Variants in DLD observed in about 807,000 individuals in gnomAD.
The protein encoded by DLD is dihydrolipoamide dehydrogenase, also known as dihydrolipoyl dehydrogenase, mitochondrial.
Under a neutral mutation model 62.2 loss-of-function variants are expected in DLD, and 36 were observed. That is an observed-to-expected ratio of 0.58 (90% CI 0.44 to 0.76). The LOEUF is 0.76. Ranked by LOEUF, DLD falls within the 30% of genes least tolerant of loss-of-function variation. The probability of loss-of-function intolerance (pLI) is 0.00; values close to 1 mark genes in which losing one functional copy is unlikely to be tolerated. For missense variants in DLD, 541 were observed against 608.6 expected, an observed-to-expected ratio of 0.89 and a Z score of 1.17; for synonymous variants, 204 against 199.6, an observed-to-expected ratio of 1.02 and a Z score of -0.19.
chr7:107,917,209 G>T (rs1452348371), intron 10 of DLD, 64 bp from the exon 11 acceptor site: 4 of 1,581,900 alleles, frequency 2.5e-6, no homozygotes, highest in Non-Finnish European at 2.6e-6. Context: ...TTACCATAAT[G>T]TAACTGAAGG....
At chr7:107,912,616 TTGAA>T (rs968566548) in intron 8 of DLD, among the ~76,000 whole-genome samples, 18 of 152,186 alleles carry the variant, frequency 1.2e-4, no homozygotes, top group Admixed American at 1.2e-3. Flanking sequence ...TATTGGCTAT[TTGAA>T]TGTTTTCTTT....
intron 4 of DLD, 100 bp from the exon 5 acceptor site, chr7:107,903,378 C>A: frequency 1.2e-6 from 1 of 819,326 alleles, no homozygotes; most frequent in Non-Finnish European, 2.0e-6. Context: ...AACTCCGTCT[C>A]AAAAAATGAA....
At chr7:107,909,839 C>CTTTT (rs71134292) in intron 8 of DLD, among the ~76,000 whole-genome samples, 18 of 73,052 alleles carry the variant, frequency 2.5e-4, no homozygotes, top group Non-Finnish European at 3.5e-4. Flanking sequence ...GGAGAATTAA[C>CTTTT]TTTTTTTTTT....
intron 5 of DLD, chr7:107,904,687 A>T: frequency 1.8e-6 from 1 of 541,832 alleles, no homozygotes; most frequent in Non-Finnish European, 3.5e-6. Context: ...TAAAGTGTTC[A>T]GAGGATATGT....
Position 107,915,486 on chromosome 7 carries a change from T to G in DLD, c.685-20T>G. 3 of 1,612,544 alleles carry G rather than the reference T, an allele frequency of 1.9e-6. No individual in the cohort carries two copies. Among genetic ancestry groups the G allele is most frequent in the African/African-American group, 1.3e-5 (1 of 74,988 alleles). On this transcript the variant is annotated intron_variant, in intron 8 of 13. Coordinates refer to ENST00000205402, the MANE Select transcript of DLD (RefSeq NM_000108.5). ...TATAGAAACTTTTATGATTATTGGGTTTTTTTAATTTATTTGCAGGGTTCA... is the reference window on the plus strand; with the variant it reads ...TATAGAAACTTTTATGATTATTGGGGTTTTTTAATTTATTTGCAGGGTTCA...
chr7:107,907,339 C>G (rs1348906049), intron 8 of DLD, among the ~76,000 whole-genome samples: 2 of 152,164 alleles, frequency 1.3e-5, no homozygotes, highest in East Asian at 3.8e-4. Flanking sequence ...GCCTTGCTGA[C>G]AGTTTATTAT....
chr7:107,907,053 T>C (rs938957265), intron 8 of DLD, among the ~76,000 whole-genome samples: 1 of 152,186 alleles, frequency 6.6e-6, no homozygotes, highest in Non-Finnish European at 1.5e-5. Context: ...AGTCCATAGA[T>C]CTACTTTTTT....
At chr7:107,900,052 GCACA>G (rs879567274) in intron 2 of DLD, among the ~76,000 whole-genome samples, 9 of 151,980 alleles carry the variant, frequency 5.9e-5, no homozygotes, top group Non-Finnish European at 7.4e-5. Context: ...TGGCTAAAAA[GCACA>G]GATGGATCAG....
intron 8 of DLD, among the ~76,000 whole-genome samples, chr7:107,909,737 T>C (rs560607021): frequency 6.6e-6 from 1 of 152,148 alleles, no homozygotes; most frequent in Non-Finnish European, 1.5e-5. Flanking sequence ...CATATTTGCC[T>C]GTCTGCCACC....
At position 107,920,752 on chromosome 7, in the gene DLD, C is replaced by G. The variant is rs2032391050; in HGVS notation, c.*1493C>G. On this transcript the variant is annotated 3_prime_UTR_variant, in exon 14 of 14. Coordinates refer to ENST00000205402, the MANE Select transcript of DLD (RefSeq NM_000108.5). ...TAAAACTTGGCTTTTGTTTCCCCCT[C>G]AAGTGAGAACCCGTTAAAAATGAGA... is the stretch of plus-strand genomic sequence containing the variant. The G allele has an allele frequency of 6.6e-6, 1 of 152,260 alleles. No homozygotes were observed. The highest frequency in any genetic ancestry group is 1.9e-4 in the East Asian group (1 of 5,200). 9.4% of individuals were successfully genotyped at this position (152,260 alleles called of 1,614,324 possible).
rs1388225095 is a variant in DLD, at chr7:107,920,202, C to T, written c.*943C>T. ...AAGGGAGTCTTTAATCTGTGTTTTC[C>T]TTGGCTGGGTTAATGACTGTTTATT... On this transcript the variant is annotated 3_prime_UTR_variant, in exon 14 of 14. Transcript: ENST00000205402. 1.3e-5 allele frequency: 2 copies of T among 152,136 alleles called. No individual in the cohort carries two copies. Among genetic ancestry groups the T allele is most frequent in the African/African-American group, 4.8e-5 (2 of 41,358 alleles). The allele number at this position is 152,136 out of a possible 1,614,324, so 9.4% of individuals were successfully genotyped here. A position where few individuals can be genotyped will look rare whatever the true frequency, so the allele number is the denominator to read the frequency against.
intron 11 of DLD, 39 bp from the exon 12 acceptor site, chr7:107,917,885 C>T: frequency 6.2e-7 from 1 of 1,613,450 alleles, no homozygotes; most frequent in Non-Finnish European, 8.5e-7. Flanking sequence ...AAGAACTTTT[C>T]TGGCAGTTAC....
At chr7:107,892,828 G>A (rs2031622149) in intron 1 of DLD, among the ~76,000 whole-genome samples, 2 of 152,284 alleles carry the variant, frequency 1.3e-5, no homozygotes, top group East Asian at 1.9e-4. Flanking sequence ...CATTACAGGC[G>A]TGAGCCACCA....
intron 2 of DLD, 128 bp downstream of exon 2, chr7:107,893,406 TA>T: frequency 1.4e-6 from 1 of 738,252 alleles, no homozygotes; most frequent in South Asian, 2.0e-5. Flanking sequence ...TTCATGTATT[TA>T]TTCGTTTGAA....
At position 107,906,196 on chromosome 7, in the gene DLD, A is replaced by G. The variant is rs112693464; in HGVS notation, c.583-71A>G. ...GGTTAAATCTGCAAATTTGGAACCCATGGATATGGAGGGTCGACTGTACTA... is the reference window on the plus strand; with the variant it reads ...GGTTAAATCTGCAAATTTGGAACCCGTGGATATGGAGGGTCGACTGTACTA... On this transcript the variant is annotated intron_variant, in intron 7 of 13. Coordinates refer to ENST00000205402, the MANE Select transcript of DLD (RefSeq NM_000108.5). 6,037 of 935,682 alleles carry G rather than the reference A, an allele frequency of 6.5e-3. 230 individuals carry two copies. In the African/African-American group the frequency reaches 0.086, roughly 13 times the overall value. 58.0% of individuals were successfully genotyped at this position (935,682 alleles called of 1,614,324 possible). A position where few individuals can be genotyped will look rare whatever the true frequency, so the allele number is the denominator to read the frequency against.
chr7:107,901,155 C>T (rs1452392693), intron 2 of DLD, among the ~76,000 whole-genome samples: 3 of 152,002 alleles, frequency 2.0e-5, no homozygotes, highest in African/African-American at 4.8e-5. Flanking sequence ...TGTTTTTTCC[C>T]TCATATTTCA....
chr7:107,903,799 A>G (rs2031937204), intron 5 of DLD: 3 of 341,806 alleles, frequency 8.8e-6, no homozygotes, highest in Admixed American at 4.3e-5. Flanking sequence ...TCCTTTGCCA[A>G]CTTTTTCCTG....
intron 2 of DLD, among the ~76,000 whole-genome samples, chr7:107,900,294 C>G (rs890539728): frequency 2.0e-5 from 3 of 152,042 alleles, no homozygotes; most frequent in Non-Finnish European, 2.9e-5. Context: ...TGATCCTACT[C>G]TAGGGATGTG....
intron 7 of DLD, chr7:107,905,810 A>G: frequency 2.6e-6 from 1 of 383,180 alleles, no homozygotes; most frequent in Non-Finnish European, 4.8e-6. Flanking sequence ...GTATATAGAT[A>G]CCTCAAAACA....
Sources: gnomAD v4.1 joint callset for allele counts (sites outside exome capture counted in the v4.1 genomes callset) on GRCh38, gnomAD v4.1.1 for gene constraint, MANE v1.5 for transcripts, NCBI Gene and HGNC (gene_info 2026-07-23, HGNC 2026-07-21) for gene names.